Variants in WWOX observed in about 807,000 individuals in gnomAD.
WWOX encodes the protein WW domain containing oxidoreductase, also known as WW domain-containing oxidoreductase.
WWOX carries 69 observed loss-of-function variants against 46.2 expected under a neutral mutation model. The observed-to-expected ratio is 1.49, with a 90% CI of 1.23 to 1.82. WWOX has a LOEUF of 1.82. Ranked by LOEUF, WWOX falls within the 40% of genes most tolerant of loss-of-function variation. The probability of loss-of-function intolerance (pLI) is 0.00; values close to 1 mark genes in which losing one functional copy is unlikely to be tolerated. For missense variants in WWOX, 919 were observed against 542.6 expected (o/e 1.69, Z -6.89); for synonymous variants, 359 against 202.6 (o/e 1.77, Z -6.56).
At chr16:78,941,153 C>T (rs927103433) in intron 8 of WWOX, among the ~76,000 whole-genome samples, 2 of 152,164 alleles carry the variant, frequency 1.3e-5, no homozygotes, top group African/African-American at 4.8e-5. Context: ...AGCAGATATA[C>T]TGAACTGGTG....
chr16:78,382,608 G>C (rs539723657), intron 5 of WWOX, among the ~76,000 whole-genome samples: 121 of 152,292 alleles, frequency 7.9e-4, no homozygotes, highest in Non-Finnish European at 1.4e-3. Flanking sequence ...TAAAGGGTTG[G>C]TTTTGCCAAT....
chr16:78,276,104 G>C (rs2079572840), intron 5 of WWOX, among the ~76,000 whole-genome samples: 1 of 152,232 alleles, frequency 6.6e-6, no homozygotes, highest in Non-Finnish European at 1.5e-5. Context: ...ATGGCAAGAA[G>C]GAGGTTACCA....
chr16:78,947,379 C>CG (rs144330692), intron 8 of WWOX, among the ~76,000 whole-genome samples: 4 of 152,126 alleles, frequency 2.6e-5, no homozygotes, highest in East Asian at 1.9e-4. Flanking sequence ...TCTCTTCCCC[C>CG]CCTTAGCTGT....
chr16:78,853,397 G>C (rs923646584), intron 8 of WWOX, among the ~76,000 whole-genome samples: 1 of 152,020 alleles, frequency 6.6e-6, no homozygotes, highest in African/African-American at 2.4e-5. Context: ...ATTTTTAGTA[G>C]AGACAGGGTT....
chr16:79,009,705 C>A (rs1333523661), intron 8 of WWOX, among the ~76,000 whole-genome samples: 1 of 152,182 alleles, frequency 6.6e-6, no homozygotes, highest in African/African-American at 2.4e-5. Context: ...CCCACCTCAG[C>A]TTCCCAAAGT....
chr16:78,855,845 T>G (rs2052553660), intron 8 of WWOX, among the ~76,000 whole-genome samples: 1 of 152,192 alleles, frequency 6.6e-6, no homozygotes, highest in East Asian at 1.9e-4. Context: ...TCAGATTCTG[T>G]GTGAAGCCCA....
intron 8 of WWOX, among the ~76,000 whole-genome samples, chr16:78,457,994 C>T (rs56047770): frequency 0.26 from 39,010 of 149,264 alleles, 5,967 homozygotes; most frequent in African/African-American, 0.43. Context: ...CCAGAACTGC[C>T]TGAACCTGGG....
intron 8 of WWOX, among the ~76,000 whole-genome samples, chr16:78,959,333 A>T (rs967877457): frequency 3.3e-5 from 5 of 152,202 alleles, no homozygotes; most frequent in Non-Finnish European, 1.5e-5. Flanking sequence ...CTGCCAGCCA[A>T]GTGCTGTGCT....
intron 8 of WWOX, among the ~76,000 whole-genome samples, chr16:78,637,954 C>G (rs764521315): frequency 1.3e-5 from 2 of 152,154 alleles, no homozygotes; most frequent in African/African-American, 4.8e-5. Flanking sequence ...TCCATGGTTT[C>G]TTCTACCAGG....
chr16:78,444,300 C>A (rs1253519570), intron 8 of WWOX, among the ~76,000 whole-genome samples: 1 of 152,026 alleles, frequency 6.6e-6, no homozygotes, highest in East Asian at 1.9e-4. Flanking sequence ...CCTCTCTGGT[C>A]CTCAGTTTTC....
chr16:78,693,706 C>T (rs1487566422), intron 8 of WWOX, among the ~76,000 whole-genome samples: 1 of 152,076 alleles, frequency 6.6e-6, no homozygotes, highest in Non-Finnish European at 1.5e-5. Flanking sequence ...TGCTACTAAT[C>T]GCCCTCTATT....
chr16:78,541,705 C>T (rs896930866), intron 8 of WWOX, among the ~76,000 whole-genome samples: 1 of 151,806 alleles, frequency 6.6e-6, no homozygotes, highest in Non-Finnish European at 1.5e-5. Context: ...CCTTTGTTCC[C>T]CTCCAGGTCC....
Position 79,068,958 on chromosome 16 carries a change from G to C in WWOX, c.1057-142650G>C, listed in dbSNP as rs946717713. Among the ~76,000 whole-genome samples, 5 of 152,256 alleles carry C rather than the reference G, an allele frequency of 3.3e-5. No homozygotes were observed. In the South Asian group the frequency reaches 1.0e-3, roughly 32 times the overall value. On this transcript the variant is annotated intron_variant, in intron 8 of 8. Coordinates refer to ENST00000566780, the MANE Select transcript of WWOX (RefSeq NM_016373.4). ...CCGATTCCCAGCCAAACATTTCACA[G>C]TTGTCTTACGCACAGGCGTAAGATA...
At chr16:78,359,376 G>T (rs778246522) in intron 5 of WWOX, among the ~76,000 whole-genome samples, 1 of 152,136 alleles carries the variant, frequency 6.6e-6, no homozygotes, top group Non-Finnish European at 1.5e-5. Context: ...TACAAATTAA[G>T]TTTTTTTCTG....
At chr16:78,710,611 G>A (rs1408168662) in intron 8 of WWOX, among the ~76,000 whole-genome samples, 2 of 146,976 alleles carry the variant, frequency 1.4e-5, no homozygotes, top group Non-Finnish European at 3.0e-5. Context: ...ACATATATGT[G>A]TATATATAGA....
At chr16:78,468,004 G>C (rs2084122095) in intron 8 of WWOX, among the ~76,000 whole-genome samples, 1 of 152,024 alleles carries the variant, frequency 6.6e-6, no homozygotes, top group Non-Finnish European at 1.5e-5. Context: ...GGGTTCCACT[G>C]GTATATTTTC....
intron 8 of WWOX, among the ~76,000 whole-genome samples, chr16:78,925,883 C>T (rs373153815): frequency 3.3e-5 from 5 of 152,248 alleles, no homozygotes; most frequent in African/African-American, 1.2e-4. Context: ...CATTTGATCC[C>T]ACCCTTGCCT....
At chr16:78,187,972 C>G (rs555348656) in intron 5 of WWOX, among the ~76,000 whole-genome samples, 5 of 152,146 alleles carry the variant, frequency 3.3e-5, no homozygotes, top group African/African-American at 4.8e-5. Flanking sequence ...TGGATGCATT[C>G]CAAGAATTTA....
At chr16:78,190,081 A>C (rs2035836718) in intron 5 of WWOX, among the ~76,000 whole-genome samples, 1 of 152,118 alleles carries the variant, frequency 6.6e-6, no homozygotes, top group Non-Finnish European at 1.5e-5. Context: ...GGAACTATGA[A>C]AGTGAGGGGG....
Sources: gnomAD v4.1 joint callset for allele counts (sites outside exome capture counted in the v4.1 genomes callset) on GRCh38, gnomAD v4.1.1 for gene constraint, MANE v1.5 for transcripts, NCBI Gene and HGNC (gene_info 2026-07-23, HGNC 2026-07-21) for gene names.